The following BCAS3 variants were observed in gnomAD, a reference collection of about 807,000 sequenced individuals.
The protein encoded by BCAS3 is BCAS4/BCAS3 fusion.
In BCAS3, 53 loss-of-function variants were observed where a neutral mutation model predicts 116.1. That is an observed-to-expected ratio of 0.46 (90% CI 0.37 to 0.57). BCAS3 has a LOEUF of 0.57. Among genes scored for constraint, BCAS3 ranks in the 20% least tolerant of loss-of-function variants. The probability of loss-of-function intolerance (pLI) is 0.00; values close to 1 mark genes in which losing one functional copy is unlikely to be tolerated. For synonymous variants in BCAS3, 391 were observed against 408.2 expected (o/e 0.96, Z 0.51); for missense variants, 917 against 1,165.4 (o/e 0.79, Z 3.10).
At chr17:61,071,026 T>C (rs890009260) in intron 19 of BCAS3, among the ~76,000 whole-genome samples, 2 of 152,168 alleles carry the variant, frequency 1.3e-5, no homozygotes, top group Admixed American at 6.5e-5. Flanking sequence ...CTTTAACTTA[T>C]GCATATACTG....
rs976553077 is a variant in BCAS3 at position 61,227,980 on chromosome 17, A to G, written c.2426-140347A>G. Among the ~76,000 whole-genome samples, 6 of 152,160 alleles carry G rather than the reference A, an allele frequency of 3.9e-5. No homozygotes were observed. Among genetic ancestry groups the G allele is most frequent in the Admixed American group, 6.6e-5 (1 of 15,264 alleles). ...CAAAGGCTTAGCCACAGGTGTAGCCATAGAATCCCTTTCCACCTGGAGACT... is the reference window on the plus strand; with the variant it reads ...CAAAGGCTTAGCCACAGGTGTAGCCGTAGAATCCCTTTCCACCTGGAGACT... On this transcript the variant is annotated intron_variant, in intron 22 of 23. Transcript: ENST00000407086. The surrounding 1 kb of genome is among the most constrained non-coding windows in gnomAD (Gnocchi z 6.1).
chr17:60,680,640 T>C (rs996072391), intron 2 of BCAS3, among the ~76,000 whole-genome samples: 3 of 139,002 alleles, frequency 2.2e-5, no homozygotes, highest in South Asian at 4.4e-4. Flanking sequence ...ATATGTATAC[T>C]TTTTTTTTTT....
At chr17:60,691,210 G>C (rs2143861778) in intron 4 of BCAS3, among the ~76,000 whole-genome samples, 1 of 152,278 alleles carries the variant, frequency 6.6e-6, no homozygotes, top group East Asian at 1.9e-4. Flanking sequence ...TGGGATTACA[G>C]GTGTGAGCCA....
At chr17:60,883,982 CT>C (rs2056412269) in intron 9 of BCAS3, among the ~76,000 whole-genome samples, 1 of 76,702 alleles carries the variant, frequency 1.3e-5, no homozygotes, top group Non-Finnish European at 2.5e-5. Flanking sequence ...AGGATTCCCT[CT>C]TTTTCTATTG....
At chr17:61,127,876 T>C (rs1001736998) in intron 22 of BCAS3, among the ~76,000 whole-genome samples, 5 of 151,732 alleles carry the variant, frequency 3.3e-5, no homozygotes, top group African/African-American at 1.2e-4. Flanking sequence ...TACACACGAA[T>C]GCATACATAC....
At chr17:60,733,958 T>A (rs1210065869) in intron 5 of BCAS3, among the ~76,000 whole-genome samples, 3 of 152,254 alleles carry the variant, frequency 2.0e-5, no homozygotes, top group East Asian at 3.8e-4. Context: ...AGTTTATGGC[T>A]CGGCTTATGC....
intron 12 of BCAS3, among the ~76,000 whole-genome samples, chr17:60,912,838 A>G (rs548017558): frequency 1.3e-5 from 2 of 152,236 alleles, no homozygotes; most frequent in South Asian, 2.1e-4. Context: ...TCTCCTCAAC[A>G]TTGTCTAGGA....
rs147350194 is a variant in BCAS3 at position 60,906,669 on chromosome 17, T to C, written c.823-3863T>C. Among the ~76,000 whole-genome samples, 838 of 152,290 alleles carry C rather than the reference T, an allele frequency of 5.5e-3. 43 individuals carry two copies. The highest frequency in any genetic ancestry group is 0.051 in the Admixed American group (784 of 15,284). Reference sequence around the variant, plus strand: ...GTAACTCAGTACCTTCAAGCAGCATTTTACAAAAATATTCTCTTCGATTTT... The same window carrying C: ...GTAACTCAGTACCTTCAAGCAGCATCTTACAAAAATATTCTCTTCGATTTT... On this transcript the variant is annotated intron_variant, in intron 11 of 23. Coordinates refer to ENST00000407086, the MANE Select transcript of BCAS3 (RefSeq NM_017679.5).
chr17:60,974,795 T>G lies in BCAS3; in HGVS notation c.1222-15176T>G, dbSNP rs112348561. Among the ~76,000 whole-genome samples, 7 of 152,272 alleles carry G rather than the reference T, an allele frequency of 4.6e-5. No homozygotes were observed. In the South Asian group the frequency reaches 1.5e-3, roughly 32 times the overall value. Reference sequence around the variant, plus strand: ...TCTCATTAGTTGAGAACTCTGACATTTGTATACTTAAAAACTCTAAATTGG... The same window carrying G: ...TCTCATTAGTTGAGAACTCTGACATGTGTATACTTAAAAACTCTAAATTGG... On this transcript the variant is annotated intron_variant, in intron 14 of 23. Transcript: ENST00000407086.
intron 22 of BCAS3, among the ~76,000 whole-genome samples, chr17:61,117,798 G>A (rs923654881): frequency 2.6e-5 from 4 of 152,188 alleles, no homozygotes; most frequent in Non-Finnish European, 5.9e-5. Flanking sequence ...AGCCTCGCCT[G>A]TTATCAAGAT....
intron 5 of BCAS3, among the ~76,000 whole-genome samples, chr17:60,710,726 T>G (rs183413877): frequency 6.6e-6 from 1 of 150,902 alleles, no homozygotes; most frequent in Non-Finnish European, 1.5e-5. Flanking sequence ...CCACCATGCC[T>G]GGCCAACATT....
At position 61,298,791 on chromosome 17, in the gene BCAS3, ATTATTTATTTAT is replaced by A. The variant is rs144760223; in HGVS notation, c.2426-69514_2426-69503del. ...TTCCAGTTCAAAGTAGTCACATGCC[ATTATTTATTTAT>A]TTATTTATTTATTTATTTATTATTA... On this transcript the variant is annotated intron_variant, in intron 22 of 23. Coordinates refer to ENST00000407086, the MANE Select transcript of BCAS3 (RefSeq NM_017679.5). 1.4e-4 allele frequency among the ~76,000 whole-genome samples: 21 copies of A among 145,456 alleles called. No individual in the cohort carries two copies. In the East Asian group the frequency reaches 2.0e-3, roughly 14 times the overall value.
chr17:61,036,991 C>A (rs771448027), intron 17 of BCAS3, among the ~76,000 whole-genome samples: 1 of 152,162 alleles, frequency 6.6e-6, no homozygotes, highest in African/African-American at 2.4e-5. Context: ...CCTTCTGTCT[C>A]CACACATGCA....
At chr17:61,303,877 G>T (rs1016856241) in intron 22 of BCAS3, among the ~76,000 whole-genome samples, 1 of 152,172 alleles carries the variant, frequency 6.6e-6, no homozygotes, top group African/African-American at 2.4e-5. Context: ...GCACTTAGTA[G>T]GTGTTCAGCA....
intron 6 of BCAS3, among the ~76,000 whole-genome samples, chr17:60,778,303 C>T (rs1349219538): frequency 6.6e-6 from 1 of 152,002 alleles, no homozygotes; most frequent in East Asian, 1.9e-4. Context: ...CTGCCCTTCT[C>T]AAACTCATTT....
At chr17:60,765,205 T>G (rs1277213838) in intron 6 of BCAS3, among the ~76,000 whole-genome samples, 1 of 152,188 alleles carries the variant, frequency 6.6e-6, no homozygotes, top group Non-Finnish European at 1.5e-5. Flanking sequence ...AGGTTAATAT[T>G]GTTATGTGTG....
At chr17:61,064,117 A>G (rs1174518670) in intron 19 of BCAS3, among the ~76,000 whole-genome samples, 1 of 152,154 alleles carries the variant, frequency 6.6e-6, no homozygotes, top group African/African-American at 2.4e-5. Flanking sequence ...GAGGATGGTT[A>G]TAGTCTGTTC....
intron 5 of BCAS3, among the ~76,000 whole-genome samples, chr17:60,712,716 A>G (rs906387997): frequency 3.3e-5 from 5 of 152,180 alleles, no homozygotes; most frequent in South Asian, 2.1e-4. Flanking sequence ...TAAATTGACA[A>G]TAGACTAATG....
At chr17:60,806,477 G>C (rs2048299356) in intron 6 of BCAS3, among the ~76,000 whole-genome samples, 1 of 151,804 alleles carries the variant, frequency 6.6e-6, no homozygotes, top group Non-Finnish European at 1.5e-5. Context: ...GGTTTGTCCT[G>C]AGCTCCTTAA....
Sources: allele counts gnomAD v4.1 joint callset (sites outside exome capture counted in the v4.1 genomes callset), GRCh38; gene constraint gnomAD v4.1.1; non-coding constraint Gnocchi (gnomAD v3.1); transcripts MANE v1.5; gene names NCBI Gene and HGNC (gene_info 2026-07-23, HGNC 2026-07-21).